Variants in EBF1 observed in about 807,000 individuals in gnomAD.
EBF1 encodes EBF transcription factor 1.
EBF1 carries 10 observed loss-of-function variants against 68.4 expected under a neutral mutation model. The ratio of observed to expected loss-of-function variants is 0.15; its 90% CI spans 0.09 to 0.25. The LOEUF is 0.25. EBF1 is among the 10% of genes least tolerant of loss of function. The pLI, the probability that EBF1 is intolerant of heterozygous loss-of-function variation, is 1.00. For missense variants in EBF1, 509 were observed against 794.4 expected, an observed-to-expected ratio of 0.64 and a Z score of 4.32; for synonymous variants, 298 against 299.8, an observed-to-expected ratio of 0.99 and a Z score of 0.06.
chr5:159,066,468 C>G (rs138336790), intron 6 of EBF1, among the ~76,000 whole-genome samples: 247 of 152,238 alleles, frequency 1.6e-3, no homozygotes, highest in Middle Eastern at 0.014. Context: ...GTGGAGTACA[C>G]ATTTCATAGA....
chr5:158,818,933 C>CAA (rs397731511), intron 8 of EBF1, among the ~76,000 whole-genome samples: 10,137 of 129,936 alleles, frequency 0.078, 401 homozygotes, highest in South Asian at 0.11. Flanking sequence ...AAAACAATAA[C>CAA]AAAAAAAAAA....
At chr5:159,072,100 T>A (rs1561945655) in intron 6 of EBF1, among the ~76,000 whole-genome samples, 1 of 152,224 alleles carries the variant, frequency 6.6e-6, no homozygotes, top group Non-Finnish European at 1.5e-5. Flanking sequence ...AGCACACACA[T>A]CACCATATGT....
At chr5:159,039,481 T>C (rs1344897102) in intron 6 of EBF1, among the ~76,000 whole-genome samples, 1 of 152,234 alleles carries the variant, frequency 6.6e-6, no homozygotes, top group Non-Finnish European at 1.5e-5. Context: ...TCCCTACAAA[T>C]GCTGTGAAGC....
At chr5:158,720,662 C>T (rs1761751487) in intron 11 of EBF1, among the ~76,000 whole-genome samples, 1 of 152,132 alleles carries the variant, frequency 6.6e-6, no homozygotes, top group South Asian at 2.1e-4. Context: ...ACTTTAAACA[C>T]TCTTTCCTTA....
intron 15 of EBF1, among the ~76,000 whole-genome samples, chr5:158,702,798 AG>A (rs1034586050): frequency 2.9e-5 from 4 of 138,620 alleles, no homozygotes; most frequent in South Asian, 5.0e-4. Context: ...AATCAGGAAC[AG>A]GGGGGTAAGT....
intron 8 of EBF1, among the ~76,000 whole-genome samples, chr5:158,815,652 T>C (rs1338876733): frequency 1.3e-5 from 2 of 152,202 alleles, no homozygotes; most frequent in South Asian, 2.1e-4. Flanking sequence ...GGTGGTGCCA[T>C]GGTCAAATGA....
At chr5:158,775,796 A>ATG in intron 10 of EBF1, among the ~76,000 whole-genome samples, 1 of 144,760 alleles carries the variant, frequency 6.9e-6, no homozygotes. Flanking sequence ...ACACACACAC[A>ATG]CACACACACA....
At chr5:159,018,941 A>C (rs1339014128) in intron 6 of EBF1, 9 of 152,188 alleles carry the variant, frequency 5.9e-5, no homozygotes, top group Non-Finnish European at 5.9e-5. Context: ...CCATCTACTG[A>C]GTCTGAGCAT....
At chr5:158,812,506 A>C (rs1782866989) in intron 8 of EBF1, among the ~76,000 whole-genome samples, 3 of 152,116 alleles carry the variant, frequency 2.0e-5, no homozygotes. Context: ...TCTTGCTGAC[A>C]GATGTTAAGG....
intron 10 of EBF1, among the ~76,000 whole-genome samples, chr5:158,766,486 T>G (rs1047715853): frequency 1.6e-4 from 25 of 152,282 alleles, no homozygotes; most frequent in African/African-American, 6.0e-4. Flanking sequence ...GTAACAAAAT[T>G]TATATGTGAA....
intron 6 of EBF1, among the ~76,000 whole-genome samples, chr5:159,004,228 A>G (rs1763108417): frequency 6.6e-6 from 1 of 151,148 alleles, no homozygotes; most frequent in Non-Finnish European, 1.5e-5. Flanking sequence ...GTGATCCAAG[A>G]TCACACCACT....
At chr5:159,053,641 C>CT (rs1774234115) in intron 6 of EBF1, among the ~76,000 whole-genome samples, 2 of 148,732 alleles carry the variant, frequency 1.3e-5, no homozygotes, top group South Asian at 4.2e-4. Flanking sequence ...ACACACACCC[C>CT]AGACATGGGA....
chr5:158,987,136 T>A (rs934580352), intron 6 of EBF1: 1 of 152,188 alleles, frequency 6.6e-6, no homozygotes, highest in African/African-American at 2.4e-5. Context: ...AGAGATAAAG[T>A]AGACATGTAT....
At chr5:159,065,141 A>T (rs971288814) in intron 6 of EBF1, among the ~76,000 whole-genome samples, 2 of 152,042 alleles carry the variant, frequency 1.3e-5, no homozygotes, top group African/African-American at 4.8e-5. Flanking sequence ...AGGTGGGGAA[A>T]ATCTCAGTAG....
intron 15 of EBF1, among the ~76,000 whole-genome samples, chr5:158,702,515 A>G (rs1021793903): frequency 6.6e-6 from 1 of 152,150 alleles, no homozygotes; most frequent in African/African-American, 2.4e-5. Context: ...TACCGTTTCC[A>G]TATTTTTGAT....
intron 4 of EBF1, among the ~76,000 whole-genome samples, chr5:159,087,279 TATATATATATACAC>T (rs1353168770): frequency 8.6e-5 from 12 of 139,750 alleles, no homozygotes; most frequent in African/African-American, 2.4e-4. Context: ...CACACACACA[TATATATATATACAC>T]ATATATATAT....
At position 158,900,915 on chromosome 5, in the gene EBF1, C is replaced by CAATTGGAGAACAGCAAATCCTAGAATCTT. The variant is rs529407812; in HGVS notation, c.555-60834_555-60806dup. On this transcript the variant is annotated intron_variant, in intron 6 of 15. Transcript: ENST00000313708. ...AAGCCTAAGAGATCTCTTCATTAGT[C>CAATTGGAGAACAGCAAATCCTAGAATCTT]AATTGGAGAACAGCAAATCCTAGAA... 9.9e-3 allele frequency among the ~76,000 whole-genome samples: 1,501 copies of CAATTGGAGAACAGCAAATCCTAGAATCTT among 152,268 alleles called. 12 individuals are homozygous for CAATTGGAGAACAGCAAATCCTAGAATCTT. The highest frequency in any genetic ancestry group is 0.016 in the Non-Finnish European group (1,055 of 68,004).
At chr5:158,971,835 G>C (rs143885515) in intron 6 of EBF1, among the ~76,000 whole-genome samples, 1 of 152,248 alleles carries the variant, frequency 6.6e-6, no homozygotes, top group African/African-American at 2.4e-5. Context: ...GAAAAGTGCC[G>C]AGGACCTAAA....
In EBF1 at chr5:158,920,448, G is replaced by A. The variant is rs577790848; in HGVS notation, c.555-80338C>T. On this transcript the variant is annotated intron_variant, in intron 6 of 15. Transcript: ENST00000313708. ...CTAAAGAGGCTGAAAAGAATATGTC[G>A]TTCCCTGCCCTCCAATACCTCTGCT... 1.2e-4 allele frequency among the ~76,000 whole-genome samples: 19 copies of A among 152,318 alleles called. No homozygotes were observed. In the South Asian group the frequency reaches 2.1e-3, roughly 17 times the overall value.
Sources: gnomAD v4.1 joint callset for allele counts (sites outside exome capture counted in the v4.1 genomes callset) on GRCh38, gnomAD v4.1.1 for gene constraint, MANE v1.5 for transcripts, NCBI Gene and HGNC (gene_info 2026-07-23, HGNC 2026-07-21) for gene names.